The following SLCO3A1 variants were observed in gnomAD, a reference collection of about 807,000 sequenced individuals.
The protein encoded by SLCO3A1 is solute carrier organic anion transporter family member 3A1, also known as PGE1 transporter.
In SLCO3A1, 27 loss-of-function variants were observed where a neutral mutation model predicts 63.1. The observed-to-expected ratio is 0.43, with a 90% CI of 0.32 to 0.59. The LOEUF is 0.59. Among genes scored for constraint, SLCO3A1 ranks in the 20% least tolerant of loss-of-function variants. The pLI is 0.09. For missense variants in SLCO3A1, 773 were observed against 945.8 expected (o/e 0.82, Z 2.40); for synonymous variants, 473 against 409.9 (o/e 1.15, Z -1.86).
chr15:92,055,680 C>G (rs1481295882), intron 2 of SLCO3A1, among the ~76,000 whole-genome samples: 2 of 152,148 alleles, frequency 1.3e-5, no homozygotes, highest in Non-Finnish European at 2.9e-5. Context: ...AAGACTGGGC[C>G]ACATGCAGCC....
At chr15:92,071,648 A>T (rs1017272809) in intron 2 of SLCO3A1, among the ~76,000 whole-genome samples, 1 of 152,190 alleles carries the variant, frequency 6.6e-6, no homozygotes, top group Non-Finnish European at 1.5e-5. Context: ...GAGGGAACGC[A>T]GGCCACTGGC....
Position 91,853,861 on chromosome 15 carries a change from G to A in SLCO3A1, c.-48G>A. On this transcript the variant is annotated 5_prime_UTR_variant, in exon 1 of 10. Transcript: ENST00000318445. ...CGGCAGCGGCCCCGACACCCGGGGCGAGCGGGAAAGCGGCAGCGGCGGCGG... is the reference window on the plus strand; with the variant it reads ...CGGCAGCGGCCCCGACACCCGGGGCAAGCGGGAAAGCGGCAGCGGCGGCGG... 7.9e-7 allele frequency: 1 copy of A among 1,271,198 alleles called. No individual in the cohort carries two copies. Among genetic ancestry groups the A allele is most frequent in the Non-Finnish European group, 9.9e-7 (1 of 1,009,088 alleles). The allele number at this position is 1,271,198 out of a possible 1,614,324, so 78.7% of individuals were successfully genotyped here.
chr15:92,089,328 C>T (rs538540240), intron 2 of SLCO3A1, among the ~76,000 whole-genome samples: 4 of 152,292 alleles, frequency 2.6e-5, no homozygotes, highest in African/African-American at 9.6e-5. Flanking sequence ...GCCCAGCCAC[C>T]CCAGCTTTAT....
chr15:91,936,510 G>C (rs1899419342), intron 2 of SLCO3A1, among the ~76,000 whole-genome samples: 2 of 152,152 alleles, frequency 1.3e-5, no homozygotes, highest in Admixed American at 6.5e-5. Flanking sequence ...GGATAGCTCT[G>C]GCCTGGAGGG....
At chr15:92,045,818 C>T (rs1002463927) in intron 2 of SLCO3A1, among the ~76,000 whole-genome samples, 4 of 152,142 alleles carry the variant, frequency 2.6e-5, no homozygotes, top group Non-Finnish European at 4.4e-5. Flanking sequence ...TCAGAGCCTC[C>T]TTGCAAAGTA....
chr15:91,933,353 C>T (rs184668212), intron 2 of SLCO3A1, among the ~76,000 whole-genome samples: 22 of 152,294 alleles, frequency 1.4e-4, no homozygotes, highest in Non-Finnish European at 2.8e-4. Context: ...ATTCTAGCTT[C>T]TAAGCCTGTC....
intron 2 of SLCO3A1, among the ~76,000 whole-genome samples, chr15:92,045,651 G>T (rs1158683): frequency 0.74 from 113,092 of 152,086 alleles, 42,785 homozygotes; most frequent in Admixed American, 0.87. Context: ...CTTTTCAGCA[G>T]TATAAATAAC....
At chr15:92,108,875 G>A (rs1272745002) in intron 4 of SLCO3A1, among the ~76,000 whole-genome samples, 1 of 152,086 alleles carries the variant, frequency 6.6e-6, no homozygotes, top group Admixed American at 6.5e-5. Context: ...TGCTAGGTTA[G>A]CTGCATTCCT....
Position 92,164,016 on chromosome 15 carries a change from A to AAAAC in SLCO3A1, c.*883_*886dup, listed in dbSNP as rs146461949. ...CCAAGTCATTTGCTTACATTTGCCA[A>AAAAC]AAACATTTTGCCATTTTTAAAAGAA... On this transcript the variant is annotated 3_prime_UTR_variant, in exon 10 of 10. Transcript: ENST00000318445. 5.9e-3 allele frequency: 5,845 copies of AAAAC among 985,442 alleles called. 236 individuals carry two copies. The African/African-American group carries it at 0.091, about 15-fold the overall frequency. The allele number at this position is 985,442 out of a possible 1,614,324, so 61.0% of individuals were successfully genotyped here.
intron 1 of SLCO3A1, among the ~76,000 whole-genome samples, chr15:91,880,397 C>CTGTGTG (rs747889224): frequency 6.7e-4 from 63 of 94,186 alleles, no homozygotes; most frequent in South Asian, 1.6e-3. Context: ...CTCTCTCTCT[C>CTGTGTG]TCTCTCTCTC....
intron 2 of SLCO3A1, among the ~76,000 whole-genome samples, chr15:91,971,159 G>T (rs1007393116): frequency 1.3e-5 from 2 of 151,950 alleles, no homozygotes; most frequent in Non-Finnish European, 2.9e-5. Flanking sequence ...ACTTCGGGAG[G>T]CCGAGGCGGG....
chr15:92,066,747 C>T lies in SLCO3A1; in HGVS notation c.647-28134C>T, dbSNP rs1041243925. On this transcript the variant is annotated intron_variant, in intron 2 of 9. Transcript: ENST00000318445. Reference sequence around the variant, plus strand: ...TGCTCAGCCAGGGCCCATTGCCTGCCGGGTGCCCTGTCAAGGTTGGCCGTT... The same window carrying T: ...TGCTCAGCCAGGGCCCATTGCCTGCTGGGTGCCCTGTCAAGGTTGGCCGTT... 9.2e-5 allele frequency among the ~76,000 whole-genome samples: 14 copies of T among 152,190 alleles called. No homozygotes were observed. In the South Asian group the frequency reaches 1.2e-3, roughly 14 times the overall value.
intron 1 of SLCO3A1, among the ~76,000 whole-genome samples, chr15:91,864,479 A>T (rs980751385): frequency 6.8e-6 from 1 of 146,760 alleles, no homozygotes; most frequent in African/African-American, 2.6e-5. Flanking sequence ...ATTCTCTTTT[A>T]AAATGTTCCT....
In SLCO3A1 at chr15:92,016,254, T is replaced by TAGATTAGATAGATAGATAGATAGA; in HGVS notation, c.647-78627_647-78626insAGATTAGATAGATAGATAGATAGA. The stretch of plus-strand genomic sequence containing the variant: ...ATAGATAGATAGATAGATAGATAGA[T>TAGATTAGATAGATAGATAGATAGA]TAGATAGATAGATAGATAGATAGAT... On this transcript the variant is annotated intron_variant, in intron 2 of 9. Transcript: ENST00000318445. Among the ~76,000 whole-genome samples, 282 of 95,564 alleles carry TAGATTAGATAGATAGATAGATAGA rather than the reference T, an allele frequency of 3.0e-3. 5 individuals are homozygous for TAGATTAGATAGATAGATAGATAGA. Among genetic ancestry groups the TAGATTAGATAGATAGATAGATAGA allele is most frequent in the East Asian group, 0.012 (25 of 2,126 alleles). 62.7% of individuals were successfully genotyped at this position (95,564 alleles called of 152,430 possible).
In SLCO3A1 at chr15:91,924,193, G is replaced by A. The variant is rs143588656; in HGVS notation, c.646+7735G>A. Among the ~76,000 whole-genome samples the A allele has an allele frequency of 4.5e-3, 691 of 152,318 alleles. 25 individuals are homozygous for A. Among genetic ancestry groups the A allele is most frequent in the Admixed American group, 0.039 (601 of 15,300 alleles). ...TAAGTGCTGAAGGGGTGCAGCTGATGAATGAGAAAAGCAGACAGTGTGGAG... is the reference window on the plus strand; with the variant it reads ...TAAGTGCTGAAGGGGTGCAGCTGATAAATGAGAAAAGCAGACAGTGTGGAG... On this transcript the variant is annotated intron_variant, in intron 2 of 9. Coordinates refer to ENST00000318445, the MANE Select transcript of SLCO3A1 (RefSeq NM_013272.4).
chr15:91,868,212 C>T (rs1217226969), intron 1 of SLCO3A1, among the ~76,000 whole-genome samples: 1 of 151,938 alleles, frequency 6.6e-6, no homozygotes, highest in Non-Finnish European at 1.5e-5. Context: ...CTACCACGCC[C>T]AGCAGATTTT....
Position 91,865,809 on chromosome 15 carries a change from A to C in SLCO3A1, c.180+11721A>C, listed in dbSNP as rs914675298. ...TCCAAATTAGGTCACATTCACAGGCACTAAGAGTTAGGACTTCAGTTTATC... is the reference window on the plus strand; with the variant it reads ...TCCAAATTAGGTCACATTCACAGGCCCTAAGAGTTAGGACTTCAGTTTATC... On this transcript the variant is annotated intron_variant, in intron 1 of 9. Coordinates refer to ENST00000318445, the MANE Select transcript of SLCO3A1 (RefSeq NM_013272.4). The surrounding 1 kb of genome is among the most constrained non-coding windows in gnomAD (Gnocchi z 4.6). Among the ~76,000 whole-genome samples the C allele has an allele frequency of 6.6e-6, 1 of 152,232 alleles. No homozygotes were observed. Among genetic ancestry groups the C allele is most frequent in the Non-Finnish European group, 1.5e-5 (1 of 68,042 alleles).
intron 1 of SLCO3A1, among the ~76,000 whole-genome samples, chr15:91,889,931 T>C (rs1443264084): frequency 6.6e-6 from 1 of 151,954 alleles, no homozygotes; most frequent in Non-Finnish European, 1.5e-5. Flanking sequence ...CTAGACTGAG[T>C]TATGCAGTCT....
At chr15:91,855,966 G>A (rs963189646) in intron 1 of SLCO3A1, among the ~76,000 whole-genome samples, 3 of 151,888 alleles carry the variant, frequency 2.0e-5, no homozygotes, top group African/African-American at 4.8e-5. Context: ...ACTATTTTTC[G>A]GTTGCAGTGA....
Sources: allele counts gnomAD v4.1 joint callset (sites outside exome capture counted in the v4.1 genomes callset), GRCh38; gene constraint gnomAD v4.1.1; non-coding constraint Gnocchi (gnomAD v3.1); transcripts MANE v1.5; gene names NCBI Gene and HGNC (gene_info 2026-07-23, HGNC 2026-07-21).